Variants in PXN observed in about 807,000 individuals in gnomAD.
PXN encodes the protein testicular tissue protein Li 134.
In PXN, 61 loss-of-function variants were observed where a neutral mutation model predicts 103.6. The ratio of observed to expected loss-of-function variants is 0.59; its 90% CI spans 0.48 to 0.73. The LOEUF (loss-of-function observed/expected upper bound fraction) is 0.73, where lower values mean the gene tolerates loss of function less well. Among genes scored for constraint, PXN ranks in the 30% least tolerant of loss-of-function variants. The pLI, the probability that PXN is intolerant of heterozygous loss-of-function variation, is 0.00. For synonymous variants in PXN, 562 were observed against 607.8 expected (o/e 0.92, Z 1.11); for missense variants, 1,274 against 1,460.3 (o/e 0.87, Z 2.08).
chr12:120,242,881 TAAA>T (rs63089761), intron 1 of PXN, among the ~76,000 whole-genome samples: 5 of 132,904 alleles, frequency 3.8e-5, no homozygotes, highest in Admixed American at 7.7e-5. Flanking sequence ...ACTCGGGCTT[TAAA>T]AAAAAAAAAA....
chr12:120,213,335 G>A lies in PXN; in HGVS notation c.2979+507C>T, dbSNP rs1182200120. 2.6e-5 allele frequency among the ~76,000 whole-genome samples: 4 copies of A among 152,160 alleles called. No homozygotes were observed. The highest frequency in any genetic ancestry group is 7.2e-5 in the African/African-American group (3 of 41,424). On this transcript the variant is annotated intron_variant, in intron 14 of 14. Coordinates refer to ENST00000637617, the MANE Select transcript of PXN (RefSeq NM_001385981.1). This position sits in a 1 kb window ranked among gnomAD's most constrained non-coding sequence, Gnocchi z 4.2. ...GCAGAGGTTGCAGTCAGCCAAGATC[G>A]TGCCACTGCACACCAGTCTGGGCAA...
Position 120,221,571 on chromosome 12 carries a change from AAGG to A in PXN, c.831+49_831+51del. The A allele has an allele frequency of 2.6e-6, 4 of 1,520,418 alleles. 1 individual carries two copies. In the South Asian group the frequency reaches 5.0e-5, roughly 19 times the overall value. 94.2% of individuals were successfully genotyped at this position (1,520,418 alleles called of 1,614,324 possible). ...TACCCACACTGAGGTAAGGGAGGAG[AAGG>A]ATGAGGGAGGGGCGGCAGGGCAGGG... On this transcript the variant is annotated intron_variant, in intron 6 of 14. Transcript: ENST00000637617. This position sits in a 1 kb window ranked among gnomAD's most constrained non-coding sequence, Gnocchi z 6.6.
In PXN at chr12:120,217,037, A is replaced by G; in HGVS notation, c.1796T>C (p.Leu599Pro). 1 of 1,587,414 alleles carries G rather than the reference A, an allele frequency of 6.3e-7. No individual in the cohort carries two copies. Among genetic ancestry groups the G allele is most frequent in the Non-Finnish European group, 8.5e-7 (1 of 1,175,212 alleles). ...MSREPSPRRR[L>P]DPATLSRTPS... Reference sequence around the variant, plus strand: ...GGTCCTGCTCAAGGTGGCAGGGTCCAGCCGGCGGCGAGGGGAGGGCTCCCG... The same window carrying G: ...GGTCCTGCTCAAGGTGGCAGGGTCCGGCCGGCGGCGAGGGGAGGGCTCCCG... Residue 599 changes from leucine (L) to proline (P), a missense_variant, in exon 8 of 15, where the codon CTG becomes CCG. Coordinates refer to ENST00000637617, the MANE Select transcript of PXN (RefSeq NM_001385981.1). This position sits in a 1 kb window ranked among gnomAD's most constrained non-coding sequence, Gnocchi z 4.1.
rs557396181 is a variant in PXN at position 120,218,578 on chromosome 12, G to A, written c.1716+629C>T. On this transcript the variant is annotated intron_variant, in intron 7 of 14. Coordinates refer to ENST00000637617, the MANE Select transcript of PXN (RefSeq NM_001385981.1). ...TTTAGTAGAGATGGGGTTTCTCCAT[G>A]TTGGTCAGGCTGGCCTCGAACTCCC... 3.9e-5 allele frequency among the ~76,000 whole-genome samples: 6 copies of A among 152,256 alleles called. No individual in the cohort carries two copies. In the East Asian group the frequency reaches 1.2e-3, roughly 29 times the overall value.
In PXN at chr12:120,214,188, C is replaced by T; in HGVS notation, c.2778G>A (p.Trp926Ter). 1 of 1,552,008 alleles carries T rather than the reference C, an allele frequency of 6.4e-7. No homozygotes were observed. The highest frequency in any genetic ancestry group is 8.7e-7 in the Non-Finnish European group (1 of 1,147,266). The change falls in exon 13 of 15, where the codon TGG (tryptophan) becomes TGA (stop). Residue 926 changes from tryptophan (W) to a stop codon, truncating the protein, a stop_gained. Coordinates refer to ENST00000637617, the MANE Select transcript of PXN (RefSeq NM_001385981.1). LOFTEE classifies it high-confidence loss of function. The surrounding 1 kb of genome is among the most constrained non-coding windows in gnomAD (Gnocchi z 5.0). ...GTGCACAGAAGAAGTGTTCAGGGTG[C>T]CACGTCCGGTCAAGGGCTGTCACCA... The part of the protein sequence containing the change: ...DKVVTALDRT[W>*]HPEHFFCAQC...
Position 120,212,130 on chromosome 12 carries a change from C to T in PXN, c.*184G>A. ...CAGGAGGGAGGAGGGGGCCCAGAGGCTCTGGCAGGGGTGAAGACAAGCAGG... is the reference window on the plus strand; with the variant it reads ...CAGGAGGGAGGAGGGGGCCCAGAGGTTCTGGCAGGGGTGAAGACAAGCAGG... On this transcript the variant is annotated 3_prime_UTR_variant, in exon 15 of 15. Coordinates refer to ENST00000637617, the MANE Select transcript of PXN (RefSeq NM_001385981.1). The surrounding 1 kb of genome is among the most constrained non-coding windows in gnomAD (Gnocchi z 7.2). 1.1e-6 allele frequency: 1 copy of T among 905,654 alleles called. No homozygotes were observed. The highest frequency in any genetic ancestry group is 1.8e-6 in the Non-Finnish European group (1 of 564,714). The allele number at this position is 905,654 out of a possible 1,614,324, so 56.1% of individuals were successfully genotyped here. A position where few individuals can be genotyped will look rare whatever the true frequency, so the allele number is the denominator to read the frequency against.
chr12:120,257,000 C>A (rs1893115241), intron 1 of PXN, among the ~76,000 whole-genome samples: 2 of 152,162 alleles, frequency 1.3e-5, no homozygotes, highest in African/African-American at 4.8e-5. Context: ...GGATTACAGG[C>A]ATGAGCCACC....
rs758708651 is a variant in PXN at position 120,215,529 on chromosome 12, G to T, written c.2403+31C>A. The T allele has an allele frequency of 9.7e-6, 15 of 1,550,070 alleles. No individual in the cohort carries two copies. Among genetic ancestry groups the T allele is most frequent in the African/African-American group, 1.4e-5 (1 of 72,890 alleles). On this transcript the variant is annotated intron_variant, in intron 10 of 14. Coordinates refer to ENST00000637617, the MANE Select transcript of PXN (RefSeq NM_001385981.1). The surrounding 1 kb of genome is among the most constrained non-coding windows in gnomAD (Gnocchi z 4.9). ...GCCAAGCCCAGGGAGAGCACGACAC[G>T]CAGGACACCCAGCCCAGCCTTGGCA...
chr12:120,221,185 C>A lies in PXN; in HGVS notation c.831+438G>T, dbSNP rs779427645. ...AGAAAGAAAGAGGATGTGTTGAGGA[C>A]AGCTAGCGTGGGAGATGGGGCTCCA... On this transcript the variant is annotated intron_variant, in intron 6 of 14. Transcript: ENST00000637617. The surrounding 1 kb of genome is among the most constrained non-coding windows in gnomAD (Gnocchi z 6.6). Among the ~76,000 whole-genome samples, 2 of 152,154 alleles carry A rather than the reference C, an allele frequency of 1.3e-5. No individual in the cohort carries two copies. Among genetic ancestry groups the A allele is most frequent in the Non-Finnish European group, 2.9e-5 (2 of 68,020 alleles).
chr12:120,214,111 G>A lies in PXN; in HGVS notation c.2830+25C>T, dbSNP rs1228312657. On this transcript the variant is annotated intron_variant, in intron 13 of 14. Transcript: ENST00000637617. This position sits in a 1 kb window ranked among gnomAD's most constrained non-coding sequence, Gnocchi z 5.0. ...CCCCGGCCCTCCTAAGAGGCGGTGG[G>A]TCAGTCCGCCGGTCCAGCCCGTACC... is the stretch of plus-strand genomic sequence containing the variant. 1.3e-6 allele frequency: 2 copies of A among 1,554,600 alleles called. No homozygotes were observed. The highest frequency in any genetic ancestry group is 2.4e-5 in the East Asian group (1 of 41,116).
At chr12:120,234,075 G>A (rs1197958915) in intron 1 of PXN, among the ~76,000 whole-genome samples, 2 of 148,140 alleles carry the variant, frequency 1.4e-5, no homozygotes, top group Admixed American at 6.9e-5. Flanking sequence ...GGAGTCAAAT[G>A]CAAAATGCAA....
chr12:120,249,036 C>A (rs1162274315), intron 1 of PXN, among the ~76,000 whole-genome samples: 1 of 152,042 alleles, frequency 6.6e-6, no homozygotes, highest in Non-Finnish European at 1.5e-5. Context: ...ACGTGGGAGG[C>A]TGAGGCACGA....
At chr12:120,227,004 G>C (rs1294972185) in intron 1 of PXN, 2 of 986,922 alleles carry the variant, frequency 2.0e-6, no homozygotes, top group East Asian at 1.1e-4. Flanking sequence ...GTAAAATCCA[G>C]AATAAGGTCT....
Position 120,237,888 on chromosome 12 carries a change from C to T in PXN, c.14-13511G>A, listed in dbSNP as rs574730260. On this transcript the variant is annotated intron_variant, in intron 1 of 14. Coordinates refer to ENST00000637617, the MANE Select transcript of PXN (RefSeq NM_001385981.1). ...GCTCCAAGTCTCGTCTCAGTCCCCC[C>T]ACCCCACTGAGCTTTGTAGGCTCCC... 4.6e-5 allele frequency among the ~76,000 whole-genome samples: 7 copies of T among 152,302 alleles called. No individual in the cohort carries two copies. The South Asian group carries it at 1.0e-3, about 23-fold the overall frequency.
Position 120,221,733 on chromosome 12 carries a change from C to G in PXN, c.721G>C (p.Glu241Gln). 6.4e-7 allele frequency: 1 copy of G among 1,573,166 alleles called. No individual in the cohort carries two copies. Among genetic ancestry groups the G allele is most frequent in the Non-Finnish European group, 8.6e-7 (1 of 1,160,036 alleles). ...GTGACGCGCTGCGGGCTGCTCATCT[C>G]GCCCTGGTTCACAGTGATGGCAGGG... ...PVPAITVNQG[E>Q]MSSPQRVTST... is the part of the protein sequence containing the mutation. Residue 241 changes from glutamate (E) to glutamine (Q), a missense_variant, in exon 6 of 15, where the codon GAG becomes CAG. Around this residue, in one of 2 missense-constraint regions of PXN, gnomAD observed 1,178 missense variants for 1,309.0 expected, o/e 0.90. Coordinates refer to ENST00000637617, the MANE Select transcript of PXN (RefSeq NM_001385981.1). This position sits in a 1 kb window ranked among gnomAD's most constrained non-coding sequence, Gnocchi z 6.6.
Position 120,217,085 on chromosome 12 carries a change from G to C in PXN, c.1748C>G (p.Ser583Cys). The C allele has an allele frequency of 6.3e-7, 1 of 1,591,182 alleles. No homozygotes were observed. The highest frequency in any genetic ancestry group is 8.5e-7 in the Non-Finnish European group (1 of 1,177,150). Residue 583 changes from serine to cysteine, a missense_variant, in exon 8 of 15, where the codon TCT becomes TGT. Physicochemically the swap from Ser to Cys is moderately radical, Grantham distance 112. This residue lies in a region of PXN where 1,178 missense variants were observed against 1,309.0 expected (regional missense o/e 0.90). Coordinates refer to ENST00000637617, the MANE Select transcript of PXN (RefSeq NM_001385981.1). The surrounding 1 kb of genome is among the most constrained non-coding windows in gnomAD (Gnocchi z 4.1). ...IRSVIRRSWE[S>C]GHAHPMSREP... ...CCGGGACATGGGGTGTGCGTGGCCA[G>C]ACTCCCAGCTCCTCCTGATCACAGA...
chr12:120,259,213 G>A (rs915816303), intron 1 of PXN, among the ~76,000 whole-genome samples: 2 of 152,098 alleles, frequency 1.3e-5, no homozygotes, highest in Non-Finnish European at 2.9e-5. Flanking sequence ...ACAATATGGT[G>A]AAACCCCACC....
Position 120,212,301 on chromosome 12 carries a change from A to C in PXN, c.*13T>G. On this transcript the variant is annotated 3_prime_UTR_variant, in exon 15 of 15. Transcript: ENST00000637617. The surrounding 1 kb of genome is among the most constrained non-coding windows in gnomAD (Gnocchi z 7.2). Reference sequence around the variant, plus strand: ...CTGGCTGGGGAAGGGGGGCAGAGACAGGGGCAGGGCACCTAGCAGAAGAGC... The same window carrying C: ...CTGGCTGGGGAAGGGGGGCAGAGACCGGGGCAGGGCACCTAGCAGAAGAGC... 1 of 1,607,310 alleles carries C rather than the reference A, an allele frequency of 6.2e-7. No homozygotes were observed. Among genetic ancestry groups the C allele is most frequent in the Non-Finnish European group, 8.5e-7 (1 of 1,175,776 alleles).
chr12:120,244,793 G>A (rs1890776450), intron 1 of PXN, among the ~76,000 whole-genome samples: 1 of 151,866 alleles, frequency 6.6e-6, no homozygotes, highest in East Asian at 1.9e-4. Flanking sequence ...CTGCACTCCA[G>A]CCTGGGTGAC....
Sources: allele counts gnomAD v4.1 joint callset (sites outside exome capture counted in the v4.1 genomes callset), GRCh38; gene constraint gnomAD v4.1.1; regional missense constraint gnomAD v4.1.1; non-coding constraint Gnocchi (gnomAD v3.1); transcripts MANE v1.5; gene names NCBI Gene and HGNC (gene_info 2026-07-23, HGNC 2026-07-21).